PLCH1: variants seen among roughly 807,000 people sequenced by gnomAD.
PLCH1 encodes the protein phospholipase C eta 1.
In PLCH1, 60 loss-of-function variants were observed where a neutral mutation model predicts 126.7. That is an observed-to-expected ratio of 0.47 (90% CI 0.38 to 0.59). The LOEUF is 0.59. Among genes scored for constraint, PLCH1 ranks in the 20% least tolerant of loss-of-function variants. The probability of loss-of-function intolerance (pLI) is 0.00; values close to 1 mark genes in which losing one functional copy is unlikely to be tolerated. For synonymous variants in PLCH1, 719 were observed against 734.9 expected (o/e 0.98, Z 0.35); for missense variants, 1,723 against 2,040.0 (o/e 0.84, Z 2.99).
intron 2 of PLCH1, among the ~76,000 whole-genome samples, chr3:155,691,806 T>C (rs917202154): frequency 6.6e-6 from 1 of 152,062 alleles, no homozygotes; most frequent in Admixed American, 6.5e-5. Flanking sequence ...AACTGTGTAG[T>C]TCTCATCATA....
intron 6 of PLCH1, among the ~76,000 whole-genome samples, chr3:155,572,040 C>G (rs1729294697): frequency 6.6e-6 from 1 of 152,176 alleles, no homozygotes; most frequent in Non-Finnish European, 1.5e-5. Flanking sequence ...ACAAATTCTT[C>G]CCAATGACTC....
intron 10 of PLCH1, among the ~76,000 whole-genome samples, chr3:155,540,791 G>T (rs1724127947): frequency 1.3e-5 from 2 of 152,138 alleles, no homozygotes; most frequent in Non-Finnish European, 2.9e-5. Flanking sequence ...TACACTGCTG[G>T]AGGGAATGGA....
intron 10 of PLCH1, among the ~76,000 whole-genome samples, chr3:155,542,246 C>G (rs566514725): frequency 2.6e-5 from 4 of 152,354 alleles, no homozygotes; most frequent in Middle Eastern, 6.8e-3. Flanking sequence ...CCGCACCTGG[C>G]TCGGAGGGTC....
intron 1 of PLCH1, among the ~76,000 whole-genome samples, chr3:155,735,857 C>T (rs773911620): frequency 2.0e-5 from 3 of 151,924 alleles, no homozygotes; most frequent in Non-Finnish European, 2.9e-5. Flanking sequence ...AAATATGTTA[C>T]GTCTGAAAAA....
At chr3:155,521,826 A>G (rs1721141958) in intron 11 of PLCH1, among the ~76,000 whole-genome samples, 1 of 152,084 alleles carries the variant, frequency 6.6e-6, no homozygotes, top group Non-Finnish European at 1.5e-5. Context: ...TTCTCTTCCA[A>G]AATATAACAA....
At chr3:155,544,265 C>G (rs571020505) in intron 10 of PLCH1, among the ~76,000 whole-genome samples, 248 of 152,202 alleles carry the variant, frequency 1.6e-3, no homozygotes, top group African/African-American at 5.8e-3. Flanking sequence ...GATTTTAAAC[C>G]AACAAAGATC....
chr3:155,535,675 A>G (rs1462180275), intron 10 of PLCH1, among the ~76,000 whole-genome samples: 3 of 152,116 alleles, frequency 2.0e-5, no homozygotes, highest in Non-Finnish European at 4.4e-5. Context: ...CCTGCATCCA[A>G]CTGATGGTCT....
rs1730545148 is a variant in PLCH1, at chr3:155,580,635, CACTAAA to C, written c.771+2831_771+2836del. ...ACAAATTCAATTTAATTCAAATTAG[CACTAAA>C]ACTAAGTGAGCATGATTTCATGTAT... On this transcript the variant is annotated intron_variant, in intron 6 of 22. Coordinates refer to ENST00000460012, the MANE Select transcript of PLCH1 (RefSeq NM_014996.4). Among the ~76,000 whole-genome samples the C allele has an allele frequency of 3.3e-5, 5 of 152,104 alleles. No individual in the cohort carries two copies. The South Asian group carries it at 1.0e-3, about 32-fold the overall frequency.
chr3:155,571,788 A>G (rs946747879), intron 6 of PLCH1, among the ~76,000 whole-genome samples: 1 of 152,216 alleles, frequency 6.6e-6, no homozygotes, highest in Admixed American at 6.5e-5. Flanking sequence ...ATTAAGTTAG[A>G]TCTTTAACAT....
At chr3:155,620,136 A>T (rs960609249) in intron 2 of PLCH1, among the ~76,000 whole-genome samples, 1 of 152,262 alleles carries the variant, frequency 6.6e-6, no homozygotes, top group Non-Finnish European at 1.5e-5. Flanking sequence ...CTAAATATGG[A>T]AGATGAAAAA....
intron 17 of PLCH1, 148 bp from the exon 18 acceptor site, chr3:155,493,001 C>A: frequency 4.5e-6 from 3 of 663,658 alleles, no homozygotes; most frequent in Non-Finnish European, 6.7e-6. Context: ...CTGTGGTTTT[C>A]ATTAGAAACC....
chr3:155,533,348 A>T (rs1722938577), intron 10 of PLCH1, among the ~76,000 whole-genome samples: 1 of 152,060 alleles, frequency 6.6e-6, no homozygotes, highest in Admixed American at 6.6e-5. Context: ...GGAGTTTGAG[A>T]CCAGCCTGAC....
chr3:155,495,239 TA>T (rs1215921109), intron 15 of PLCH1, among the ~76,000 whole-genome samples: 2 of 152,270 alleles, frequency 1.3e-5, no homozygotes, highest in African/African-American at 2.4e-5. Flanking sequence ...AAGCCTGTAC[TA>T]AAGTTTCTGC....
intron 3 of PLCH1, among the ~76,000 whole-genome samples, chr3:155,595,431 C>A (rs1336413669): frequency 3.9e-5 from 6 of 152,326 alleles, no homozygotes; most frequent in African/African-American, 1.4e-4. Flanking sequence ...GGTATCAACT[C>A]ATTTCCCACA....
At chr3:155,593,017 C>T (rs1007971711) in intron 4 of PLCH1, among the ~76,000 whole-genome samples, 17 of 152,078 alleles carry the variant, frequency 1.1e-4, no homozygotes, top group Admixed American at 6.6e-5. Context: ...TCTTTTCCAG[C>T]AATACTCTGG....
chr3:155,469,548 G>A (rs558584692), intron 21 of PLCH1, among the ~76,000 whole-genome samples: 8 of 152,372 alleles, frequency 5.3e-5, no homozygotes, highest in South Asian at 2.1e-4. Flanking sequence ...AAGCAGCCAG[G>A]AAGCTCAAAC....
rs1577054309 is a variant in PLCH1, at chr3:155,576,970, T to C, written c.771+6502A>G. Among the ~76,000 whole-genome samples, 3 of 152,252 alleles carry C rather than the reference T, an allele frequency of 2.0e-5. No homozygotes were observed. In the East Asian group the frequency reaches 5.8e-4, roughly 29 times the overall value. On this transcript the variant is annotated intron_variant, in intron 6 of 22. Transcript: ENST00000460012. Reference sequence around the variant, plus strand: ...TTGTAAAACTACTCCAGTATCATTCTATAATTTCACCAGAAATAGAAGAGA... The same window carrying C: ...TTGTAAAACTACTCCAGTATCATTCCATAATTTCACCAGAAATAGAAGAGA...
chr3:155,633,776 C>T (rs866215643), intron 2 of PLCH1, among the ~76,000 whole-genome samples: 2 of 152,048 alleles, frequency 1.3e-5, no homozygotes, highest in African/African-American at 4.8e-5. Flanking sequence ...AAAAATTAGC[C>T]GGGTATGGTG....
At chr3:155,624,255 A>G (rs183264778) in intron 2 of PLCH1, among the ~76,000 whole-genome samples, 1 of 152,222 alleles carries the variant, frequency 6.6e-6, no homozygotes, top group Non-Finnish European at 1.5e-5. Context: ...GTAGCTCAAA[A>G]TAATAAGAGC....
Sources: gnomAD v4.1 joint callset for allele counts (sites outside exome capture counted in the v4.1 genomes callset) on GRCh38, gnomAD v4.1.1 for gene constraint, MANE v1.5 for transcripts, NCBI Gene and HGNC (gene_info 2026-07-23, HGNC 2026-07-21) for gene names.